RPS6KC1: variants seen among roughly 807,000 people sequenced by gnomAD.
RPS6KC1 encodes ribosomal protein S6 kinase C1, also known as inactive ribosomal protein S6 kinase delta-1.
RPS6KC1 carries 54 observed loss-of-function variants against 103.8 expected under a neutral mutation model. The observed-to-expected ratio is 0.52, with a 90% confidence interval of 0.42 to 0.65. The LOEUF is 0.65. Ranked by LOEUF, RPS6KC1 falls within the 30% of genes least tolerant of loss-of-function variation. The probability of loss-of-function intolerance (pLI) is 0.00; values close to 1 mark genes in which losing one functional copy is unlikely to be tolerated. For missense variants in RPS6KC1, 1,151 were observed against 1,253.8 expected (o/e 0.92, Z 1.24); for synonymous variants, 439 against 438.7 (o/e 1.00, Z -0.01).
At chr1:213,610,206 G>C in the RPS6KC1 span, among the ~76,000 whole-genome samples, 1 of 152,170 alleles carries the variant, frequency 6.6e-6, no homozygotes, top group Non-Finnish European at 1.5e-5. Flanking sequence ...TCCTGAGCCA[G>C]TTTGTTTTCT....
chr1:213,550,529 C>G, the RPS6KC1 span, among the ~76,000 whole-genome samples: 1 of 152,160 alleles, frequency 6.6e-6, no homozygotes, highest in African/African-American at 2.4e-5. Context: ...TGCACCGGCT[C>G]TCCACACCCA....
chr1:213,699,983 C>T, the RPS6KC1 span, among the ~76,000 whole-genome samples: 1 of 151,874 alleles, frequency 6.6e-6, no homozygotes, highest in Non-Finnish European at 1.5e-5. Context: ...CAAATATTTT[C>T]TCCCATTTTG....
the RPS6KC1 span, chr1:213,832,718 G>T: frequency 6.6e-6 from 1 of 152,180 alleles, no homozygotes; most frequent in Non-Finnish European, 1.5e-5. Flanking sequence ...TTATTAAAAA[G>T]CAGTACTTAG....
chr1:213,078,797 T>A (rs889017801), intron 3 of RPS6KC1, among the ~76,000 whole-genome samples: 1 of 152,168 alleles, frequency 6.6e-6, no homozygotes, highest in Non-Finnish European at 1.5e-5. Flanking sequence ...ACTAGACAAT[T>A]TTTTTTCAGG....
chr1:213,375,027 A>G, the RPS6KC1 span, among the ~76,000 whole-genome samples: 1 of 152,054 alleles, frequency 6.6e-6, no homozygotes, highest in Non-Finnish European at 1.5e-5. Context: ...ACATACACAT[A>G]CACACACATA....
the RPS6KC1 span, among the ~76,000 whole-genome samples, chr1:213,740,614 TATATATATCTCAGATATATATACACATAC>T: frequency 3.3e-3 from 502 of 151,386 alleles, 6 homozygotes; most frequent in African/African-American, 0.011. Flanking sequence ...TATATATACA[TATATATATCTCAGATATATATACACATAC>T]ATATATCTCT....
the RPS6KC1 span, among the ~76,000 whole-genome samples, chr1:213,561,952 A>G: frequency 6.6e-6 from 1 of 152,298 alleles, no homozygotes; most frequent in Non-Finnish European, 1.5e-5. Context: ...AGTAGGGTCA[A>G]GGTTGCACTT....
chr1:213,590,229 T>A, the RPS6KC1 span, among the ~76,000 whole-genome samples: 2 of 152,058 alleles, frequency 1.3e-5, no homozygotes, highest in South Asian at 4.1e-4. Context: ...GCAGGTAGCA[T>A]CCTGTTGTCA....
At chr1:213,574,687 C>T in the RPS6KC1 span, among the ~76,000 whole-genome samples, 2 of 152,122 alleles carry the variant, frequency 1.3e-5, no homozygotes, top group Non-Finnish European at 2.9e-5. Context: ...GTCACATCTC[C>T]CTGCTCATGA....
the RPS6KC1 span, among the ~76,000 whole-genome samples, chr1:213,698,737 T>C: frequency 6.6e-6 from 1 of 152,214 alleles, no homozygotes; most frequent in African/African-American, 2.4e-5. Flanking sequence ...TGTTCTTGGT[T>C]TTCTTTTTGG....
the RPS6KC1 span, among the ~76,000 whole-genome samples, chr1:213,286,884 A>C: frequency 3.3e-5 from 5 of 152,236 alleles, no homozygotes; most frequent in African/African-American, 1.2e-4. Context: ...CAGGAAATAC[A>C]GAAGGCACAG....
chr1:213,613,762 G>T, the RPS6KC1 span, among the ~76,000 whole-genome samples: 1 of 152,262 alleles, frequency 6.6e-6, no homozygotes, highest in African/African-American at 2.4e-5. Context: ...CAGGGCAAAG[G>T]GCAAGTTGGC....
At chr1:213,250,075 A>G (rs75183190) in intron 12 of RPS6KC1, among the ~76,000 whole-genome samples, 1,709 of 152,300 alleles carry the variant, frequency 0.011, 37 homozygotes, top group African/African-American at 0.037. Context: ...GTTCCCCACA[A>G]TACAGCAGGC....
At chr1:213,555,938 G>A in the RPS6KC1 span, among the ~76,000 whole-genome samples, 2 of 152,162 alleles carry the variant, frequency 1.3e-5, no homozygotes, top group African/African-American at 2.4e-5. Flanking sequence ...CCAGAATGGG[G>A]TATGAGACTC....
the RPS6KC1 span, among the ~76,000 whole-genome samples, chr1:213,356,192 CA>C: frequency 7.2e-5 from 11 of 152,182 alleles, no homozygotes; most frequent in Admixed American, 1.3e-4. Flanking sequence ...TGTGGTATAA[CA>C]GGGGTGGTAC....
the RPS6KC1 span, among the ~76,000 whole-genome samples, chr1:213,597,466 A>G: frequency 1.3e-5 from 2 of 152,212 alleles, no homozygotes; most frequent in African/African-American, 4.8e-5. Context: ...AGAAGGAAAC[A>G]GAGTGTAGCC....
chr1:213,059,781 T>A (rs1228704040), intron 1 of RPS6KC1, among the ~76,000 whole-genome samples: 1 of 152,148 alleles, frequency 6.6e-6, no homozygotes, highest in African/African-American at 2.4e-5. Context: ...CAAGCAATTC[T>A]CTTGCCTCAG....
At chr1:213,361,980 A>G in the RPS6KC1 span, among the ~76,000 whole-genome samples, 1 of 152,310 alleles carries the variant, frequency 6.6e-6, no homozygotes, top group South Asian at 2.1e-4. Flanking sequence ...TGTGTTTGCA[A>G]CTTGCACCCA....
At chr1:213,297,062 A>G in the RPS6KC1 span, among the ~76,000 whole-genome samples, 1 of 152,246 alleles carries the variant, frequency 6.6e-6, no homozygotes, top group East Asian at 1.9e-4. Context: ...AAACCAACCA[A>G]AGCAGTAGGG....
Sources: gnomAD v4.1 joint callset for allele counts (sites outside exome capture counted in the v4.1 genomes callset) on GRCh38, gnomAD v4.1.1 for gene constraint, MANE v1.5 for transcripts, NCBI Gene and HGNC (gene_info 2026-07-23, HGNC 2026-07-21) for gene names.